The following FAM13A variants were observed in gnomAD, a reference collection of about 807,000 sequenced individuals.
The protein encoded by FAM13A is protein FAM13A.
FAM13A carries 76 observed loss-of-function variants against 129.6 expected under a neutral mutation model. That is an observed-to-expected ratio of 0.59 (90% CI 0.49 to 0.71). FAM13A has a LOEUF of 0.71. FAM13A is among the 30% of genes least tolerant of loss of function. FAM13A has a pLI of 0.00. For synonymous variants in FAM13A, 443 were observed against 449.9 expected, an observed-to-expected ratio of 0.98 and a Z score of 0.20; for missense variants, 1,108 against 1,249.3, an observed-to-expected ratio of 0.89 and a Z score of 1.70.
At chr4:88,978,872 C>A (rs143112449) in intron 4 of FAM13A, among the ~76,000 whole-genome samples, 1 of 151,748 alleles carries the variant, frequency 6.6e-6, no homozygotes, top group East Asian at 1.9e-4. Context: ...CTTCTTATGG[C>A]GACAATTAAA....
chr4:88,939,624 A>T (rs891838243), intron 4 of FAM13A, among the ~76,000 whole-genome samples: 8 of 152,220 alleles, frequency 5.3e-5, no homozygotes, highest in Non-Finnish European at 1.5e-5. Context: ...TTGGGTGTAG[A>T]TAGAACCTGT....
intron 14 of FAM13A, chr4:88,753,502 G>A (rs1383668117): frequency 5.9e-6 from 1 of 169,968 alleles, no homozygotes; most frequent in African/African-American, 2.4e-5. Context: ...TAGGGTGAAT[G>A]AATTCACTTA....
rs1032064964 is a variant in FAM13A at position 88,747,567 on chromosome 4, C to G, written c.2382+64G>C. 5 of 1,325,638 alleles carry G rather than the reference C, an allele frequency of 3.8e-6. No homozygotes were observed. The African/African-American group carries it at 7.3e-5, about 19-fold the overall frequency. 82.1% of individuals were successfully genotyped at this position (1,325,638 alleles called of 1,614,324 possible). ...TTCCCACTGGGATTCACGTGGCATG[C>G]CCTGTGTCTCTACCACATTGACTGC... On this transcript the variant is annotated intron_variant, in intron 18 of 23. Coordinates refer to ENST00000264344, the MANE Select transcript of FAM13A (RefSeq NM_014883.4).
At chr4:88,817,820 T>C (rs1731073120) in intron 7 of FAM13A, among the ~76,000 whole-genome samples, 1 of 152,208 alleles carries the variant, frequency 6.6e-6, no homozygotes, top group Admixed American at 6.5e-5. Flanking sequence ...ACTGCAATGA[T>C]ATAGCACTAC....
intron 19 of FAM13A, among the ~76,000 whole-genome samples, chr4:88,744,370 T>A (rs894590545): frequency 6.6e-6 from 1 of 152,204 alleles, no homozygotes; most frequent in Non-Finnish European, 1.5e-5. Flanking sequence ...ACTTTAATAA[T>A]AATAGGGAAT....
At chr4:88,855,675 A>G (rs1431227579) in intron 6 of FAM13A, 1 of 148,748 alleles carries the variant, frequency 6.7e-6, no homozygotes, top group Non-Finnish European at 1.5e-5. Flanking sequence ...AAGATGGTCT[A>G]ATCTTTAAAA....
intron 7 of FAM13A, among the ~76,000 whole-genome samples, chr4:88,818,389 C>T: frequency 6.6e-6 from 1 of 152,126 alleles, no homozygotes; most frequent in Middle Eastern, 3.2e-3. Context: ...AAATGACCTG[C>T]TCAAATTCAT....
At chr4:88,968,660 C>G (rs775405405) in intron 4 of FAM13A, among the ~76,000 whole-genome samples, 63 of 152,072 alleles carry the variant, frequency 4.1e-4, no homozygotes, top group Non-Finnish European at 5.9e-4. Context: ...CCATTAATCC[C>G]CTTTTCTCCC....
intron 7 of FAM13A, among the ~76,000 whole-genome samples, chr4:88,827,817 C>T (rs778025903): frequency 8.5e-5 from 13 of 152,182 alleles, no homozygotes; most frequent in South Asian, 2.1e-4. Context: ...ACCATGCTTG[C>T]GATTTGGTAA....
intron 1 of FAM13A, among the ~76,000 whole-genome samples, chr4:89,035,081 G>C (rs1013484914): frequency 2.0e-5 from 3 of 152,124 alleles, no homozygotes; most frequent in Non-Finnish European, 2.9e-5. Flanking sequence ...TCTGGACATG[G>C]ATGCAGCTGG....
chr4:89,018,028 G>A (rs1332968175), intron 3 of FAM13A, among the ~76,000 whole-genome samples: 1 of 151,932 alleles, frequency 6.6e-6, no homozygotes, highest in Non-Finnish European at 1.5e-5. Flanking sequence ...TTTCAAAAAT[G>A]AAGTAGCTAA....
chr4:88,742,940 A>G (rs1468772382), intron 19 of FAM13A, among the ~76,000 whole-genome samples: 1 of 152,198 alleles, frequency 6.6e-6, no homozygotes, highest in East Asian at 1.9e-4. Context: ...CATGTAGTAT[A>G]TTATCTCTTC....
chr4:88,812,921 G>A (rs1190186046), intron 7 of FAM13A, among the ~76,000 whole-genome samples: 1 of 152,158 alleles, frequency 6.6e-6, no homozygotes, highest in East Asian at 1.9e-4. Flanking sequence ...TTGCCTAGGA[G>A]CATTCTCTGA....
At chr4:88,924,119 C>T (rs1235036150) in intron 5 of FAM13A, among the ~76,000 whole-genome samples, 4 of 152,138 alleles carry the variant, frequency 2.6e-5, no homozygotes, top group Admixed American at 2.6e-4. Context: ...GTGAAAATGG[C>T]CATACTGCCC....
At chr4:88,838,008 C>T (rs73845448) in intron 7 of FAM13A, among the ~76,000 whole-genome samples, 10,661 of 152,098 alleles carry the variant, frequency 0.07, 528 homozygotes, top group African/African-American at 0.14. Flanking sequence ...CTTTTCTTGT[C>T]ATTATTCCCT....
At chr4:88,752,035 C>G (rs751277310) in intron 14 of FAM13A, among the ~76,000 whole-genome samples, 1 of 152,102 alleles carries the variant, frequency 6.6e-6, no homozygotes, top group Non-Finnish European at 1.5e-5. Flanking sequence ...TGACTTCATA[C>G]CTCAACTAAT....
intron 6 of FAM13A, among the ~76,000 whole-genome samples, chr4:88,879,797 C>A (rs1257816577): frequency 6.6e-6 from 1 of 152,114 alleles, no homozygotes; most frequent in Admixed American, 6.5e-5. Flanking sequence ...CCTGAGTGAC[C>A]AGCAAGAGCA....
intron 14 of FAM13A, among the ~76,000 whole-genome samples, chr4:88,755,495 A>C (rs1196380530): frequency 6.6e-6 from 1 of 152,210 alleles, no homozygotes; most frequent in African/African-American, 2.4e-5. Flanking sequence ...CAAAGCTGAT[A>C]AGCAGCAGAG....
intron 5 of FAM13A, among the ~76,000 whole-genome samples, chr4:88,922,143 G>A (rs1030113177): frequency 9.2e-5 from 14 of 152,132 alleles, no homozygotes; most frequent in African/African-American, 3.4e-4. Flanking sequence ...ACAGATCAAT[G>A]AGACAGAAAG....
Sources: gnomAD v4.1 joint callset for allele counts (sites outside exome capture counted in the v4.1 genomes callset) on GRCh38, gnomAD v4.1.1 for gene constraint, MANE v1.5 for transcripts, NCBI Gene and HGNC (gene_info 2026-07-23, HGNC 2026-07-21) for gene names.